BPIFB3: variants seen among roughly 807,000 people sequenced by gnomAD.
The protein encoded by BPIFB3 is BPI fold-containing family B member 3.
In BPIFB3, 49 loss-of-function variants were observed where a neutral mutation model predicts 53.1. The ratio of observed to expected loss-of-function variants is 0.92; its 90% CI spans 0.73 to 1.17. The LOEUF is 1.17. Among genes scored for constraint, BPIFB3 ranks in the 50% most tolerant of loss-of-function variants. The pLI is 0.00. For synonymous variants in BPIFB3, 271 were observed against 269.6 expected (o/e 1.01, Z -0.05); for missense variants, 628 against 592.5 (o/e 1.06, Z -0.62).
Position 33,064,454 on chromosome 20 carries a change from C to A in BPIFB3, c.653-3C>A, listed in dbSNP as rs758127582. ...TCGTTCTCGCCCCCACTTTCCCACG[C>A]AGGCCTGGTGTCCCTTGGGGCTCTT... On this transcript the variant is annotated splice_region_variant and splice_polypyrimidine_tract_variant and intron_variant, in intron 6 of 14. Transcript: ENST00000375494. 1 of 1,613,680 alleles carries A rather than the reference C, an allele frequency of 6.2e-7. No individual in the cohort carries two copies.
chr20:33,064,202 C>A (rs769221382), intron 6 of BPIFB3, among the ~76,000 whole-genome samples: 2 of 152,294 alleles, frequency 1.3e-5, no homozygotes, highest in African/African-American at 2.4e-5. Flanking sequence ...GGCAGGGTAG[C>A]AGTGTGTTAG....
At chr20:33,068,225 C>G (rs967095539) in intron 9 of BPIFB3, among the ~76,000 whole-genome samples, 1 of 152,208 alleles carries the variant, frequency 6.6e-6, no homozygotes, top group Non-Finnish European at 1.5e-5. Context: ...TAAACAGAAA[C>G]AGAGACAGTG....
intron 9 of BPIFB3, 116 bp downstream of exon 10, chr20:33,066,993 C>T: frequency 1.9e-6 from 2 of 1,033,472 alleles, no homozygotes; most frequent in Non-Finnish European, 3.0e-6. Flanking sequence ...ACAGTTGAGT[C>T]CAAATTCACA....
intron 12 of BPIFB3, among the ~76,000 whole-genome samples, chr20:33,071,758 G>A (rs1051063253): frequency 2.0e-5 from 3 of 152,146 alleles, no homozygotes; most frequent in African/African-American, 7.2e-5. Context: ...AAACTGACAG[G>A]AATCTAAGGT....
intron 9 of BPIFB3, 44 bp from the exon 11 acceptor site, chr20:33,068,759 T>C (rs377471971): frequency 1.0e-5 from 16 of 1,584,648 alleles, no homozygotes; most frequent in African/African-American, 9.4e-5. Flanking sequence ...GACTGACTGA[T>C]TGTAGTCCTG....
intron 9 of BPIFB3, among the ~76,000 whole-genome samples, chr20:33,067,337 C>A (rs1980710422): frequency 6.6e-6 from 1 of 152,190 alleles, no homozygotes; most frequent in Admixed American, 6.5e-5. Context: ...CATCCTTCAA[C>A]TGGGGCTGGA....
chr20:33,072,250 A>T (rs1980936155), intron 13 of BPIFB3, 83 bp downstream of exon 14: 1 of 1,416,618 alleles, frequency 7.1e-7, no homozygotes, highest in African/African-American at 1.4e-5. Context: ...TATGGTTCTG[A>T]TGGGGACACT....
chr20:33,057,899 C>G (rs1262033950), intron 2 of BPIFB3, among the ~76,000 whole-genome samples: 1 of 152,028 alleles, frequency 6.6e-6, no homozygotes, highest in Non-Finnish European at 1.5e-5. Flanking sequence ...CAATGAGCAC[C>G]TATTCAGGGT....
At chr20:33,067,044 C>G (rs1433936987) in intron 9 of BPIFB3, among the ~76,000 whole-genome samples, 167 bp downstream of exon 10, 1 of 152,222 alleles carries the variant, frequency 6.6e-6, no homozygotes, top group Admixed American at 6.5e-5. Context: ...TTCCTGATAG[C>G]AGATTTTGCT....
chr20:33,066,969 G>A (rs1980696209), intron 9 of BPIFB3, 92 bp downstream of exon 10: 1 of 1,337,178 alleles, frequency 7.5e-7, no homozygotes, highest in Non-Finnish European at 1.1e-6. Flanking sequence ...AGCTCTCCAG[G>A]CAACTGCAAT....
chr20:33,060,070 C>A, intron 4 of BPIFB3, 39 bp downstream of exon 5: 1 of 1,604,610 alleles, frequency 6.2e-7, no homozygotes, highest in Non-Finnish European at 8.5e-7. Flanking sequence ...CTGACCCGCT[C>A]AGGATCATCT....
upstream of BPIFB3, among the ~76,000 whole-genome samples, chr20:33,055,171 A>T (rs948163733): frequency 6.6e-6 from 1 of 152,172 alleles, no homozygotes; most frequent in African/African-American, 2.4e-5. Context: ...CAGTTTTCCC[A>T]GCTGAGAAAT....
upstream of BPIFB3, chr20:33,055,372 A>C (rs191042825): frequency 1.3e-3 from 2,091 of 1,598,994 alleles, 26 homozygotes; most frequent in South Asian, 0.015. Flanking sequence ...GAGAGGGGAA[A>C]GGCTTGAGCA....
chr20:33,056,610 C>T (rs950976642), exon 2 of BPIFB3: 11 of 1,613,762 alleles, frequency 6.8e-6, no homozygotes, highest in South Asian at 3.3e-5. Flanking sequence ...AGCTGTGAAC[C>T]GGGGCCTCTT....
chr20:33,059,527 C>A, intron 3 of BPIFB3, 45 bp downstream of exon 4: 2 of 1,410,864 alleles, frequency 1.4e-6, no homozygotes, highest in Non-Finnish European at 2.0e-6. Context: ...TCCTATCCCA[C>A]CCCCTGACCT....
intron 2 of BPIFB3, 64 bp downstream of exon 3, chr20:33,056,762 G>T: frequency 6.7e-7 from 1 of 1,496,816 alleles, no homozygotes; most frequent in Non-Finnish European, 8.9e-7. Context: ...ATTGAGGAGA[G>T]ATTGTCTCTT....
exon 8 of BPIFB3, chr20:33,064,672 G>C (rs142043656): frequency 6.2e-7 from 1 of 1,613,704 alleles, no homozygotes; most frequent in East Asian, 2.2e-5. Flanking sequence ...GCAGCCTATC[G>C]TGAAGAGTGT....
At position 33,056,535 on chromosome 20, in the gene BPIFB3, T is replaced by G; in HGVS notation, c.125-7T>G. ...CTAGTACCTTCCTACTTCCACTCTC[T>G]CTGCAGCCATCCAGAACTCACTGGT... On this transcript the variant is annotated splice_region_variant and splice_polypyrimidine_tract_variant and intron_variant, in intron 1 of 14. Coordinates refer to ENST00000375494, the Ensembl canonical transcript of BPIFB3. The G allele has an allele frequency of 6.2e-7, 1 of 1,613,768 alleles. No homozygotes were observed. The highest frequency in any genetic ancestry group is 1.1e-5 in the South Asian group (1 of 91,062).
chr20:33,058,691 T>C (rs1313091837), intron 2 of BPIFB3, among the ~76,000 whole-genome samples: 1 of 151,732 alleles, frequency 6.6e-6, no homozygotes, highest in African/African-American at 2.4e-5. Flanking sequence ...TCCTCATAGG[T>C]GGTGGAGTCT....
Sources: allele counts gnomAD v4.1 joint callset (sites outside exome capture counted in the v4.1 genomes callset), GRCh38; gene constraint gnomAD v4.1.1; transcripts MANE v1.5; gene names NCBI Gene and HGNC (gene_info 2026-07-23, HGNC 2026-07-21).